HHIP: variants seen among roughly 807,000 people sequenced by gnomAD.
HHIP encodes hedgehog interacting protein, also known as hedgehog-interacting protein.
A neutral mutation model predicts 74.0 loss-of-function variants in HHIP; 12 were observed. The ratio of observed to expected loss-of-function variants is 0.16; its 90% CI spans 0.10 to 0.26. HHIP has a LOEUF of 0.26. HHIP is among the 10% of genes least tolerant of loss of function. HHIP has a pLI of 1.00. For synonymous variants in HHIP, 309 were observed against 311.6 expected, an observed-to-expected ratio of 0.99 and a Z score of 0.09; for missense variants, 788 against 845.0, an observed-to-expected ratio of 0.93 and a Z score of 0.84.
intron 4 of HHIP, among the ~76,000 whole-genome samples, chr4:144,672,255 T>C (rs1346712843): frequency 1.3e-5 from 2 of 152,204 alleles, no homozygotes; most frequent in Non-Finnish European, 1.5e-5. Context: ...CCTTGCCTCA[T>C]AGGCCAATAG....
At chr4:144,688,023 G>A (rs755556444) in intron 4 of HHIP, among the ~76,000 whole-genome samples, 6 of 151,764 alleles carry the variant, frequency 4.0e-5, no homozygotes, top group Non-Finnish European at 8.8e-5. Flanking sequence ...GCAACTGGTC[G>A]AACCAGGATT....
At chr4:144,710,400 A>G (rs990316925) in intron 7 of HHIP, among the ~76,000 whole-genome samples, 5 of 152,332 alleles carry the variant, frequency 3.3e-5, no homozygotes, top group African/African-American at 1.2e-4. Flanking sequence ...CAACTAACCC[A>G]TCTTTGGCAG....
intron 11 of HHIP, among the ~76,000 whole-genome samples, chr4:144,726,745 T>C (rs1247947223): frequency 6.6e-6 from 1 of 152,130 alleles, no homozygotes; most frequent in Non-Finnish European, 1.5e-5. Context: ...AGCCTAGCTG[T>C]TGCACAAGCA....
At position 144,713,176 on chromosome 4, in the gene HHIP, G is replaced by A. The variant is rs991020391; in HGVS notation, c.1424-1049G>A. ...CATTTCCTTTACAGAACAACTCTAT[G>A]TGATAGGCACTATCATTGGCCACAT... On this transcript the variant is annotated intron_variant, in intron 8 of 12. Coordinates refer to ENST00000296575, the MANE Select transcript of HHIP (RefSeq NM_022475.3). 4.6e-5 allele frequency among the ~76,000 whole-genome samples: 7 copies of A among 152,096 alleles called. No individual in the cohort carries two copies. In the South Asian group the frequency reaches 1.2e-3, roughly 27 times the overall value.
chr4:144,702,136 G>A (rs868422903), intron 4 of HHIP, among the ~76,000 whole-genome samples: 1 of 152,030 alleles, frequency 6.6e-6, no homozygotes, highest in South Asian at 2.1e-4. Context: ...CAGGGTGATA[G>A]AGTGAAACCA....
chr4:144,726,286 T>C lies in HHIP; in HGVS notation c.1760+7330T>C, dbSNP rs111916923. On this transcript the variant is annotated intron_variant, in intron 11 of 12. Coordinates refer to ENST00000296575, the MANE Select transcript of HHIP (RefSeq NM_022475.3). ...GTAAGTACAGATATAATCCAAGATT[T>C]CTGATTTCATTAAGTCCTGATTTCA... Among the ~76,000 whole-genome samples, 307 of 152,284 alleles carry C rather than the reference T, an allele frequency of 2.0e-3. 2 individuals are homozygous for C. Among genetic ancestry groups the C allele is most frequent in the African/African-American group, 6.9e-3 (285 of 41,578 alleles).
intron 1 of HHIP, chr4:144,651,031 C>G (rs1463091490): frequency 6.6e-6 from 1 of 152,048 alleles, no homozygotes; most frequent in Non-Finnish European, 1.5e-5. Flanking sequence ...TCTTAGTGGA[C>G]TGCCATATGA....
chr4:144,737,601 C>T (rs1020100310), intron 12 of HHIP, among the ~76,000 whole-genome samples, 163 bp from the exon 13 acceptor site: 1 of 152,190 alleles, frequency 6.6e-6, no homozygotes, highest in Admixed American at 6.5e-5. Flanking sequence ...GTGTAAAAGC[C>T]TGTTTCCTAC....
At position 144,658,891 on chromosome 4, in the gene HHIP, G is replaced by A. The variant is rs200944826; in HGVS notation, c.574G>A (p.Ala192Thr). The change falls in exon 3 of 13, where the codon GCA (alanine) becomes ACA (threonine). Residue 192 changes from alanine to threonine, a missense_variant. Coordinates refer to ENST00000296575, the MANE Select transcript of HHIP (RefSeq NM_022475.3). ...DFPRKQVRGP[A>T]SNYLDQMEEY... ...TCCAAGAAAACAAGTCAGAGGACCA[G>A]CATCTAACTACTTGGACCAGATGGA... 2 of 1,613,364 alleles carry A rather than the reference G, an allele frequency of 1.2e-6. No individual in the cohort carries two copies. Among genetic ancestry groups the A allele is most frequent in the East Asian group, 4.5e-5 (2 of 44,874 alleles).
At chr4:144,663,097 C>T (rs749712890) in intron 4 of HHIP, among the ~76,000 whole-genome samples, 6 of 152,072 alleles carry the variant, frequency 3.9e-5, no homozygotes, top group South Asian at 2.1e-4. Flanking sequence ...ACCAACCTGG[C>T]CAATATGTTG....
At chr4:144,675,310 T>C (rs1729142964) in intron 4 of HHIP, among the ~76,000 whole-genome samples, 1 of 152,146 alleles carries the variant, frequency 6.6e-6, no homozygotes, top group Admixed American at 6.5e-5. Flanking sequence ...AGATATTACA[T>C]CAGAATACAA....
At chr4:144,694,757 A>T (rs1216205879) in intron 4 of HHIP, among the ~76,000 whole-genome samples, 1 of 151,826 alleles carries the variant, frequency 6.6e-6, no homozygotes, top group Non-Finnish European at 1.5e-5. Flanking sequence ...TATCAAGAAA[A>T]CTTACTTTAT....
chr4:144,739,475 A>G lies in HHIP; in HGVS notation c.*1518A>G, dbSNP rs1252407075. The stretch of plus-strand genomic sequence containing the variant: ...ACCTTCTCCTTACCTTTAGGAATAC[A>G]AGCCTCAATTTAAAAAATATATTGT... On this transcript the variant is annotated 3_prime_UTR_variant, in exon 13 of 13. Transcript: ENST00000296575. 6.6e-6 allele frequency: 1 copy of G among 152,354 alleles called. No homozygotes were observed. Among genetic ancestry groups the G allele is most frequent in the Non-Finnish European group, 1.5e-5 (1 of 68,028 alleles). The allele number at this position is 152,354 out of a possible 1,614,324, so 9.4% of individuals were successfully genotyped here.
chr4:144,706,629 G>C lies in HHIP; in HGVS notation c.930G>C (p.Trp310Cys). The C allele has an allele frequency of 6.2e-7, 1 of 1,613,744 alleles. No homozygotes were observed. Among genetic ancestry groups the C allele is most frequent in the Non-Finnish European group, 8.5e-7 (1 of 1,179,826 alleles). Reference protein sequence around the residue: ...YVSYTTNQERWAIGPHDHILR... With the variant: ...YVSYTTNQERCAIGPHDHILR... ...CCTATACCACCAACCAAGAACGGTGGGCTATCGGGCCTCATGACCACATTC... is the reference window on the plus strand; with the variant it reads ...CCTATACCACCAACCAAGAACGGTGCGCTATCGGGCCTCATGACCACATTC... The change falls in exon 5 of 13, where the codon TGG becomes TGC. Residue 310 changes from tryptophan (W) to cysteine (C), a missense_variant. By Grantham distance (215) the Trp-to-Cys change is radical. Around this residue, in one of 3 missense-constraint regions of HHIP, gnomAD observed 373 missense variants for 366.4 expected, o/e 1.02. Transcript: ENST00000296575.
At chr4:144,719,495 C>A (rs928064535) in intron 11 of HHIP, among the ~76,000 whole-genome samples, 1 of 152,122 alleles carries the variant, frequency 6.6e-6, no homozygotes, top group Non-Finnish European at 1.5e-5. Flanking sequence ...TTTGCTTCAG[C>A]AAAAGAAAGA....
intron 4 of HHIP, 65 bp downstream of exon 4, chr4:144,659,903 C>CAGTGAGGAAGGTAA: frequency 6.0e-6 from 7 of 1,172,336 alleles, no homozygotes; most frequent in Non-Finnish European, 8.9e-6. Context: ...GTGTTACCTT[C>CAGTGAGGAAGGTAA]CTCACTGAAG....
At chr4:144,703,482 A>G (rs1171277627) in intron 4 of HHIP, among the ~76,000 whole-genome samples, 1 of 152,190 alleles carries the variant, frequency 6.6e-6, no homozygotes, top group Non-Finnish European at 1.5e-5. Flanking sequence ...ATGAAGGGGT[A>G]GGATGAGAAG....
chr4:144,691,785 C>T (rs1288332496), intron 4 of HHIP, among the ~76,000 whole-genome samples: 15 of 151,932 alleles, frequency 9.9e-5, no homozygotes, highest in Non-Finnish European at 1.5e-5. Flanking sequence ...TCAGCAATGC[C>T]TCCTCCAAAG....
chr4:144,715,226 T>A lies in HHIP; in HGVS notation c.1548-74T>A, dbSNP rs186644632. The A allele has an allele frequency of 3.5e-6, 5 of 1,418,822 alleles. No individual in the cohort carries two copies. The Admixed American group carries it at 7.5e-5, about 21-fold the overall frequency. 87.9% of individuals were successfully genotyped at this position (1,418,822 alleles called of 1,614,324 possible). A position where few individuals can be genotyped will look rare whatever the true frequency, so the allele number is the denominator to read the frequency against. On this transcript the variant is annotated intron_variant, in intron 9 of 12. Coordinates refer to ENST00000296575, the MANE Select transcript of HHIP (RefSeq NM_022475.3). ...AAGCAATTGTTTGTTATGAATTTTA[T>A]TTTAAACATCTTATTGTCATCAATA...
Sources: gnomAD v4.1 joint callset for allele counts (sites outside exome capture counted in the v4.1 genomes callset) on GRCh38, gnomAD v4.1.1 for gene constraint, gnomAD v4.1.1 regional missense constraint, MANE v1.5 for transcripts, NCBI Gene and HGNC (gene_info 2026-07-23, HGNC 2026-07-21) for gene names.